The following DGKI variants were observed in gnomAD, a reference collection of about 807,000 sequenced individuals.
The protein encoded by DGKI is diacylglycerol kinase iota.
In DGKI, 55 loss-of-function variants were observed where a neutral mutation model predicts 147.5. That is an observed-to-expected ratio of 0.37 (90% CI 0.30 to 0.47). The LOEUF is 0.47. Ranked by LOEUF, DGKI falls within the 20% of genes least tolerant of loss-of-function variation. The pLI, the probability that DGKI is intolerant of heterozygous loss-of-function variation, is 1.00. For synonymous variants in DGKI, 469 were observed against 477.1 expected (o/e 0.98, Z 0.22); for missense variants, 1,007 against 1,323.8 (o/e 0.76, Z 3.71).
chr7:137,787,167 T>C (rs931700010), intron 1 of DGKI, among the ~76,000 whole-genome samples: 2 of 152,048 alleles, frequency 1.3e-5, no homozygotes, highest in South Asian at 4.2e-4. Flanking sequence ...AAGAAATAAT[T>C]AGCAGAATTA....
chr7:137,585,099 A>G, intron 14 of DGKI, 110 bp downstream of exon 14: 1 of 1,275,232 alleles, frequency 7.8e-7, no homozygotes, highest in Non-Finnish European at 1.1e-6. Context: ...ATATTATCAC[A>G]TTATCTCATA....
At chr7:137,768,967 G>A (rs1457912342) in intron 1 of DGKI, among the ~76,000 whole-genome samples, 3 of 152,160 alleles carry the variant, frequency 2.0e-5, no homozygotes, top group African/African-American at 7.2e-5. Context: ...ATTGTCAGAG[G>A]TGCCAGCAGA....
chr7:137,552,888 A>G (rs1818098845), intron 19 of DGKI, among the ~76,000 whole-genome samples: 2 of 152,130 alleles, frequency 1.3e-5, no homozygotes, highest in Non-Finnish European at 2.9e-5. Flanking sequence ...GCACTCCAGC[A>G]TGGGCAATAG....
intron 20 of DGKI, among the ~76,000 whole-genome samples, chr7:137,535,107 C>T (rs1817473161): frequency 6.6e-6 from 1 of 152,126 alleles, no homozygotes; most frequent in African/African-American, 2.4e-5. Context: ...GTTTTAGCCA[C>T]CCACTCTGTG....
chr7:137,559,977 A>C (rs1160711045), intron 19 of DGKI, among the ~76,000 whole-genome samples: 4 of 152,246 alleles, frequency 2.6e-5, no homozygotes, highest in Admixed American at 2.0e-4. Flanking sequence ...ATACTGGTCC[A>C]GTAGAATTCG....
chr7:137,766,925 A>T (rs1169632871), intron 1 of DGKI, among the ~76,000 whole-genome samples: 1 of 152,212 alleles, frequency 6.6e-6, no homozygotes, highest in African/African-American at 2.4e-5. Flanking sequence ...GGCCAGCCCA[A>T]GGGAAAAGCT....
chr7:137,462,739 T>C (rs56143630), intron 27 of DGKI, among the ~76,000 whole-genome samples: 9 of 152,186 alleles, frequency 5.9e-5, no homozygotes, highest in Non-Finnish European at 1.2e-4. Context: ...CCTAATTTCA[T>C]GAACACACTG....
At chr7:137,396,521 G>A (rs1359356270) in intron 31 of DGKI, among the ~76,000 whole-genome samples, 4 of 152,244 alleles carry the variant, frequency 2.6e-5, no homozygotes, top group Non-Finnish European at 5.9e-5. Context: ...AATGGGGTAA[G>A]TGATGGCACC....
At chr7:137,445,791 G>C (rs147813194) in intron 27 of DGKI, among the ~76,000 whole-genome samples, 1 of 152,064 alleles carries the variant, frequency 6.6e-6, no homozygotes, top group Non-Finnish European at 1.5e-5. Flanking sequence ...AGCTCCAATT[G>C]GTTATAATGT....
intron 27 of DGKI, among the ~76,000 whole-genome samples, chr7:137,455,597 G>T (rs1814161444): frequency 7.7e-6 from 1 of 129,250 alleles, no homozygotes; most frequent in South Asian, 2.7e-4. Flanking sequence ...TTGTTCTTAT[G>T]TGTGATGCCT....
rs1351055381 is a variant in DGKI, at chr7:137,575,026, T to G, written c.1762-2188A>C. ...TCAGGAAAACATAGAATGATGTCATTGCAAAAGTATCCTTGTGTCTCTCTA... is the reference window on the plus strand; with the variant it reads ...TCAGGAAAACATAGAATGATGTCATGGCAAAAGTATCCTTGTGTCTCTCTA... On this transcript the variant is annotated intron_variant, in intron 17 of 32. Transcript: ENST00000614521. Among the ~76,000 whole-genome samples the G allele has an allele frequency of 3.3e-5, 5 of 152,196 alleles. No homozygotes were observed. In the South Asian group the frequency reaches 6.2e-4, roughly 19 times the overall value.
chr7:137,837,278 T>C lies in DGKI; in HGVS notation c.401+9184A>G, dbSNP rs139871413. ...ACTTATAATGATTAATATTCACAGG[T>C]AGGGAGGTAAGTTAATCGTTGCGGT... On this transcript the variant is annotated intron_variant, in intron 1 of 32. Transcript: ENST00000614521. 3.4e-3 allele frequency among the ~76,000 whole-genome samples: 521 copies of C among 152,270 alleles called. 2 individuals are homozygous for C. The highest frequency in any genetic ancestry group is 0.012 in the African/African-American group (506 of 41,544).
chr7:137,539,686 T>C (rs563412368), intron 20 of DGKI, among the ~76,000 whole-genome samples: 4 of 151,198 alleles, frequency 2.6e-5, no homozygotes, highest in East Asian at 3.9e-4. Context: ...GATTCCACTT[T>C]AGAAAAAAAT....
intron 1 of DGKI, among the ~76,000 whole-genome samples, chr7:137,820,376 T>C (rs1188479596): frequency 6.6e-6 from 1 of 152,110 alleles, no homozygotes; most frequent in Non-Finnish European, 1.5e-5. Context: ...CAGAACATAG[T>C]TTCTGATTCA....
intron 1 of DGKI, among the ~76,000 whole-genome samples, chr7:137,767,229 A>G (rs1796039352): frequency 6.6e-6 from 1 of 152,238 alleles, no homozygotes; most frequent in African/African-American, 2.4e-5. Flanking sequence ...ACAGGGCCAA[A>G]GTACTCAATT....
At chr7:137,616,608 A>T (rs529289118) in intron 8 of DGKI, among the ~76,000 whole-genome samples, 1 of 144,500 alleles carries the variant, frequency 6.9e-6, no homozygotes, top group Non-Finnish European at 1.5e-5. Flanking sequence ...AACAAATGTG[A>T]AGACAGACAC....
intron 21 of DGKI, among the ~76,000 whole-genome samples, chr7:137,505,201 AAAAAGAAAAG>A (rs755021735): frequency 5.6e-4 from 86 of 152,288 alleles, no homozygotes; most frequent in Non-Finnish European, 1.1e-3. Context: ...AAATTTCTGA[AAAAAGAAAAG>A]AAAAGAAAAG....
intron 21 of DGKI, among the ~76,000 whole-genome samples, chr7:137,488,672 C>T (rs903377439): frequency 3.3e-5 from 5 of 152,232 alleles, no homozygotes; most frequent in East Asian, 1.9e-4. Flanking sequence ...TTTTTACAAT[C>T]GTTCACTCAT....
intron 20 of DGKI, among the ~76,000 whole-genome samples, chr7:137,530,657 C>T (rs1360177587): frequency 3.3e-5 from 5 of 152,168 alleles, no homozygotes; most frequent in South Asian, 2.1e-4. Flanking sequence ...CCTAAATTTG[C>T]GATGAGAAAA....
Sources: gnomAD v4.1 joint callset for allele counts (sites outside exome capture counted in the v4.1 genomes callset) on GRCh38, gnomAD v4.1.1 for gene constraint, MANE v1.5 for transcripts, NCBI Gene and HGNC (gene_info 2026-07-23, HGNC 2026-07-21) for gene names.